PRKCE: variants seen among roughly 807,000 people sequenced by gnomAD.
PRKCE encodes the protein protein kinase C epsilon type.
In PRKCE, 16 loss-of-function variants were observed where a neutral mutation model predicts 85.4. That is an observed-to-expected ratio of 0.19 (90% confidence interval 0.13 to 0.28). The LOEUF (loss-of-function observed/expected upper bound fraction) is 0.28. PRKCE is among the 10% of genes least tolerant of loss of function. The pLI, the probability that PRKCE is intolerant of heterozygous loss-of-function variation, is 1.00. For missense variants in PRKCE, 573 were observed against 975.2 expected (o/e 0.59, Z 5.49); for synonymous variants, 388 against 371.5 (o/e 1.04, Z -0.51).
Position 46,185,510 on chromosome 2 carries a change from A to C in PRKCE, c.*629A>C, listed in dbSNP as rs994927464. ...CTTTTCAGCATGCCAAAGTCATGTA[A>C]GTTTGTGTCTTGTGGAAGAAATCCT... On this transcript the variant is annotated 3_prime_UTR_variant, in exon 15 of 15. Transcript: ENST00000306156. This position sits in a 1 kb window ranked among gnomAD's most constrained non-coding sequence, Gnocchi z 4.7. 2 of 152,712 alleles carry C rather than the reference A, an allele frequency of 1.3e-5. No homozygotes were observed. Among genetic ancestry groups the C allele is most frequent in the Non-Finnish European group, 2.9e-5 (2 of 68,072 alleles). The allele number at this position is 152,712 out of a possible 1,614,324, so 9.5% of individuals were successfully genotyped here. A position where few individuals can be genotyped will look rare whatever the true frequency, so the allele number is the denominator to read the frequency against.
chr2:45,689,867 G>A (rs1472074211), intron 1 of PRKCE, among the ~76,000 whole-genome samples: 7 of 147,214 alleles, frequency 4.8e-5, no homozygotes, highest in African/African-American at 1.8e-4. Flanking sequence ...CTGCACTGGT[G>A]TGACAGGCTG....
At chr2:46,081,943 A>G (rs1220754845) in intron 10 of PRKCE, among the ~76,000 whole-genome samples, 7 of 152,070 alleles carry the variant, frequency 4.6e-5, no homozygotes. Context: ...TAAAAATACA[A>G]AAAATAGCTG....
chr2:46,066,982 C>A (rs922081207), intron 10 of PRKCE, among the ~76,000 whole-genome samples: 1 of 152,144 alleles, frequency 6.6e-6, no homozygotes, highest in South Asian at 2.1e-4. Context: ...TGTGCATGGA[C>A]AGGAACTAGA....
At chr2:46,002,621 C>T (rs995908065) in intron 7 of PRKCE, among the ~76,000 whole-genome samples, 2 of 152,296 alleles carry the variant, frequency 1.3e-5, no homozygotes, top group East Asian at 1.9e-4. Context: ...AGAAAAAATT[C>T]TCTTCTCTCT....
At chr2:45,873,426 C>T (rs762229110) in intron 2 of PRKCE, among the ~76,000 whole-genome samples, 39 of 148,530 alleles carry the variant, frequency 2.6e-4, no homozygotes, top group Non-Finnish European at 4.6e-4. Flanking sequence ...ACGAGTCAGG[C>T]GTACCAAGAC....
chr2:46,086,515 G>T (rs1234658242), intron 11 of PRKCE, among the ~76,000 whole-genome samples, 153 bp downstream of exon 11: 1 of 152,100 alleles, frequency 6.6e-6, no homozygotes, highest in Non-Finnish European at 1.5e-5. Flanking sequence ...ACTTTTTTGG[G>T]GGCTGTTTAT....
At chr2:46,172,959 C>G (rs947751842) in intron 14 of PRKCE, among the ~76,000 whole-genome samples, 6 of 152,172 alleles carry the variant, frequency 3.9e-5, no homozygotes, top group African/African-American at 7.2e-5. Context: ...ATCACTACCC[C>G]CTTGGAGAAT....
chr2:46,093,534 T>C (rs1279602100), intron 11 of PRKCE, among the ~76,000 whole-genome samples: 1 of 147,316 alleles, frequency 6.8e-6, no homozygotes. Flanking sequence ...ACTTTTCTTT[T>C]TTTTTTTTTT....
chr2:45,763,967 C>T (rs62127172), intron 1 of PRKCE, among the ~76,000 whole-genome samples: 147 of 152,292 alleles, frequency 9.7e-4, no homozygotes, highest in Non-Finnish European at 1.7e-3. Context: ...CCTTCCCAGT[C>T]CTCTGCCGTC....
intron 1 of PRKCE, among the ~76,000 whole-genome samples, chr2:45,703,021 T>TCG (rs1553382470): frequency 1.1e-4 from 16 of 149,960 alleles, no homozygotes; most frequent in Admixed American, 9.3e-4. Flanking sequence ...AAGCCTTTTT[T>TCG]CCCCCCCCGT....
At position 45,652,547 on chromosome 2, in the gene PRKCE, A is replaced by C. The variant is rs975794260; in HGVS notation, c.348+99A>C. Reference sequence around the variant, plus strand: ...CGTAGGGCTCCGGGACTTATTGACGACTGGGGTGTGTGTGCCTGTAAGTCT... The same window carrying C: ...CGTAGGGCTCCGGGACTTATTGACGCCTGGGGTGTGTGTGCCTGTAAGTCT... On this transcript the variant is annotated intron_variant, in intron 1 of 14. Coordinates refer to ENST00000306156, the MANE Select transcript of PRKCE (RefSeq NM_005400.3). The surrounding 1 kb of genome is among the most constrained non-coding windows in gnomAD (Gnocchi z 7.7). 6.9e-5 allele frequency: 81 copies of C among 1,166,756 alleles called. No individual in the cohort carries two copies. The highest frequency in any genetic ancestry group is 9.2e-5 in the Non-Finnish European group (78 of 848,080). The allele number at this position is 1,166,756 out of a possible 1,614,324, so 72.3% of individuals were successfully genotyped here.
intron 1 of PRKCE, among the ~76,000 whole-genome samples, chr2:45,787,892 A>G (rs1686733322): frequency 6.6e-6 from 1 of 152,200 alleles, no homozygotes. Flanking sequence ...CCAGCGGCCC[A>G]TCCAGAGCAT....
At chr2:45,948,882 G>A (rs1318848515) in intron 2 of PRKCE, among the ~76,000 whole-genome samples, 1 of 152,114 alleles carries the variant, frequency 6.6e-6, no homozygotes, top group African/African-American at 2.4e-5. Context: ...TTTGTAACTT[G>A]CTTTTTAAAT....
chr2:46,116,496 T>A (rs1163579776), intron 11 of PRKCE, among the ~76,000 whole-genome samples: 1 of 152,250 alleles, frequency 6.6e-6, no homozygotes, highest in East Asian at 1.9e-4. Context: ...AGGTCACTGT[T>A]GACACTTTGA....
At chr2:45,941,065 T>TAAAAAAAAAAAAAAAAAA (rs397781944) in intron 2 of PRKCE, among the ~76,000 whole-genome samples, 4 of 67,162 alleles carry the variant, frequency 6.0e-5, no homozygotes, top group East Asian at 1.1e-3. Flanking sequence ...GACTTCATCC[T>TAAAAAAAAAAAAAAAAAA]AAAAAAAAAA....
chr2:46,083,576 G>T (rs1451724260), intron 10 of PRKCE, among the ~76,000 whole-genome samples: 2 of 152,190 alleles, frequency 1.3e-5, no homozygotes, highest in African/African-American at 4.8e-5. Flanking sequence ...GTGGTTCAGT[G>T]TTCAGTGAAT....
chr2:46,117,897 T>G lies in PRKCE; in HGVS notation c.1593-27196T>G, dbSNP rs528297698. ...TCAGGTTTTGACTTGAAAGTACACCTGTATTTAAAGAGTGGGGTCATCTGA... is the reference window on the plus strand; with the variant it reads ...TCAGGTTTTGACTTGAAAGTACACCGGTATTTAAAGAGTGGGGTCATCTGA... On this transcript the variant is annotated intron_variant, in intron 11 of 14. Coordinates refer to ENST00000306156, the MANE Select transcript of PRKCE (RefSeq NM_005400.3). Among the ~76,000 whole-genome samples, 13 of 152,300 alleles carry G rather than the reference T, an allele frequency of 8.5e-5. No individual in the cohort carries two copies. In the South Asian group the frequency reaches 2.5e-3, roughly 29 times the overall value.
chr2:45,968,396 T>C (rs13382562), intron 2 of PRKCE, among the ~76,000 whole-genome samples: 15,036 of 152,212 alleles, frequency 0.099, 782 homozygotes, highest in Middle Eastern at 0.17. Flanking sequence ...AAAGACTGCA[T>C]GTTCTCACTT....
At chr2:45,832,997 C>T (rs577487290) in intron 1 of PRKCE, among the ~76,000 whole-genome samples, 1 of 151,868 alleles carries the variant, frequency 6.6e-6, no homozygotes, top group Non-Finnish European at 1.5e-5. Context: ...AACAAATGAT[C>T]GTGTCTTGGC....
Sources: allele counts gnomAD v4.1 joint callset (sites outside exome capture counted in the v4.1 genomes callset), GRCh38; gene constraint gnomAD v4.1.1; non-coding constraint Gnocchi (gnomAD v3.1); transcripts MANE v1.5; gene names NCBI Gene and HGNC (gene_info 2026-07-23, HGNC 2026-07-21).